Variants in KIAA0232 observed in about 807,000 individuals in gnomAD.
KIAA0232 encodes the protein uncharacterized protein KIAA0232.
A neutral mutation model predicts 122.0 loss-of-function variants in KIAA0232; 27 were observed. That is an observed-to-expected ratio of 0.22 (90% CI 0.16 to 0.31). The LOEUF (loss-of-function observed/expected upper bound fraction) is 0.31, where lower values mean the gene tolerates loss of function less well. KIAA0232 is among the 10% of genes least tolerant of loss of function. KIAA0232 has a pLI of 1.00. For synonymous variants in KIAA0232, 613 were observed against 587.6 expected, an observed-to-expected ratio of 1.04 and a Z score of -0.63; for missense variants, 1,551 against 1,634.2, an observed-to-expected ratio of 0.95 and a Z score of 0.88.
intron 2 of KIAA0232, among the ~76,000 whole-genome samples, chr4:6,822,878 C>CTAACTCGTCAT (rs1479255078): frequency 3.3e-5 from 5 of 149,538 alleles, no homozygotes; most frequent in Non-Finnish European, 5.9e-5. Flanking sequence ...GCTGCACCCA[C>CTAACTCGTCAT]TAACTCGTCA....
intron 1 of KIAA0232, among the ~76,000 whole-genome samples, chr4:6,785,486 A>C (rs543561999): frequency 6.6e-6 from 1 of 152,346 alleles, no homozygotes; most frequent in South Asian, 2.1e-4. Context: ...TGTTTCACAG[A>C]ATAGTTGGGA....
intron 1 of KIAA0232, among the ~76,000 whole-genome samples, chr4:6,803,010 C>T (rs1372948604): frequency 3.5e-5 from 4 of 115,788 alleles, no homozygotes; most frequent in Non-Finnish European, 6.9e-5. Context: ...TCTGTCTTGA[C>T]CAAAAAAAAA....
intron 2 of KIAA0232, among the ~76,000 whole-genome samples, chr4:6,822,418 C>T (rs911600518): frequency 2.6e-5 from 4 of 152,118 alleles, no homozygotes; most frequent in African/African-American, 9.7e-5. Flanking sequence ...GAAACTCAGT[C>T]TTAAATCTTT....
At chr4:6,804,213 T>G (rs1316375243) in intron 1 of KIAA0232, among the ~76,000 whole-genome samples, 2 of 152,180 alleles carry the variant, frequency 1.3e-5, no homozygotes, top group African/African-American at 4.8e-5. Flanking sequence ...ACCTAATACT[T>G]AGCAAATGTT....
intron 2 of KIAA0232, among the ~76,000 whole-genome samples, chr4:6,805,823 G>A (rs2108946598): frequency 6.6e-6 from 1 of 152,044 alleles, no homozygotes; most frequent in South Asian, 2.1e-4. Context: ...TAAGCTTAGG[G>A]TTTTTGAAAT....
intron 1 of KIAA0232, among the ~76,000 whole-genome samples, chr4:6,789,031 C>T (rs1339214760): frequency 4.0e-5 from 6 of 151,860 alleles, no homozygotes; most frequent in African/African-American, 7.3e-5. Flanking sequence ...AGTGCAGTGG[C>T]GCGATCTCGG....
In KIAA0232 at chr4:6,791,032, C is replaced by T. The variant is rs536164117; in HGVS notation, c.-354+8191C>T. Among the ~76,000 whole-genome samples the T allele has an allele frequency of 2.0e-5, 3 of 149,528 alleles. No homozygotes were observed. The South Asian group carries it at 6.3e-4, about 31-fold the overall frequency. On this transcript the variant is annotated intron_variant, in intron 1 of 9. Transcript: ENST00000307659. ...CTCCCGGGTTCAAGCGATTCTCCTG[C>T]CTTGGCCTCCTGAGTACCTGGGACT...
At chr4:6,859,257 G>A (rs529837653) in intron 6 of KIAA0232, among the ~76,000 whole-genome samples, 50 of 151,728 alleles carry the variant, frequency 3.3e-4, no homozygotes, top group Non-Finnish European at 5.9e-4. Flanking sequence ...TTTTTTGTTC[G>A]TAAATAGTCT....
intron 4 of KIAA0232, among the ~76,000 whole-genome samples, chr4:6,843,788 T>A (rs569022187): frequency 1.2e-4 from 18 of 151,828 alleles, no homozygotes; most frequent in Admixed American, 2.0e-4. Context: ...AAAAAAAGAA[T>A]TGTCTCTGAA....
At chr4:6,854,398 A>C (rs1199353207) in intron 4 of KIAA0232, among the ~76,000 whole-genome samples, 1 of 152,192 alleles carries the variant, frequency 6.6e-6, no homozygotes, top group African/African-American at 2.4e-5. Context: ...ACCCAAATAC[A>C]TTCCACTGAG....
At chr4:6,818,230 G>A (rs559987329) in intron 2 of KIAA0232, among the ~76,000 whole-genome samples, 190 of 151,780 alleles carry the variant, frequency 1.3e-3, no homozygotes, top group African/African-American at 2.8e-3. Flanking sequence ...GTGAAACCCC[G>A]TCTCTACTAA....
In KIAA0232 at chr4:6,859,845, C is replaced by T. The variant is rs530435140; in HGVS notation, c.519-1056C>T. Among the ~76,000 whole-genome samples, 23 of 152,278 alleles carry T rather than the reference C, an allele frequency of 1.5e-4. No individual in the cohort carries two copies. The South Asian group carries it at 4.6e-3, about 30-fold the overall frequency. On this transcript the variant is annotated intron_variant, in intron 6 of 9. Coordinates refer to ENST00000307659, the MANE Select transcript of KIAA0232 (RefSeq NM_014743.3). ...TTCTGCTCTGAAATCTTCAGTGGCC[C>T]CCAGTTTCCTAGCAAATCAAAAATA...
chr4:6,874,525 G>A (rs575095552), intron 8 of KIAA0232, among the ~76,000 whole-genome samples: 2 of 152,306 alleles, frequency 1.3e-5, no homozygotes, highest in South Asian at 4.1e-4. Context: ...CACAGCTCAC[G>A]CCCCTGGATT....
intron 3 of KIAA0232, among the ~76,000 whole-genome samples, chr4:6,827,179 A>C (rs1718734521): frequency 6.6e-6 from 1 of 152,230 alleles, no homozygotes; most frequent in Non-Finnish European, 1.5e-5. Flanking sequence ...AATTTTAAAT[A>C]CCTGTTTTAG....
chr4:6,868,305 C>T (rs947426051), intron 7 of KIAA0232, among the ~76,000 whole-genome samples: 1 of 152,188 alleles, frequency 6.6e-6, no homozygotes, highest in Non-Finnish European at 1.5e-5. Context: ...TGTACCTGCT[C>T]GGCCAGGTAC....
intron 7 of KIAA0232, among the ~76,000 whole-genome samples, chr4:6,871,010 G>A (rs1339374587): frequency 1.3e-5 from 2 of 152,102 alleles, no homozygotes; most frequent in Non-Finnish European, 2.9e-5. Flanking sequence ...TATATTTTGG[G>A]CTTGTAAGAG....
intron 2 of KIAA0232, among the ~76,000 whole-genome samples, chr4:6,816,950 A>T (rs1253278227): frequency 6.6e-6 from 1 of 152,098 alleles, no homozygotes. Flanking sequence ...CACCTCTCTC[A>T]TTCCTGATAC....
At chr4:6,842,379 T>C (rs1007855616) in intron 4 of KIAA0232, among the ~76,000 whole-genome samples, 175 bp downstream of exon 4, 1 of 152,126 alleles carries the variant, frequency 6.6e-6, no homozygotes, top group Non-Finnish European at 1.5e-5. Context: ...TTTTCTGAAG[T>C]TTTATATGCT....
rs2108865804 is a variant in KIAA0232 at position 6,881,143 on chromosome 4, T to G, written c.*177T>G. 2.2e-6 allele frequency: 1 copy of G among 463,164 alleles called. No homozygotes were observed. Among genetic ancestry groups the G allele is most frequent in the South Asian group, 7.4e-5 (1 of 13,548 alleles). The allele number at this position is 463,164 out of a possible 1,614,324, so 28.7% of individuals were successfully genotyped here. On this transcript the variant is annotated 3_prime_UTR_variant, in exon 10 of 10. Coordinates refer to ENST00000307659, the MANE Select transcript of KIAA0232 (RefSeq NM_014743.3). ...TTTAGAGTTGAGGACAGCTATCCTG[T>G]TAAAGATTTTTTTTCCCAGCTGTTA...
Sources: allele counts gnomAD v4.1 joint callset (sites outside exome capture counted in the v4.1 genomes callset), GRCh38; gene constraint gnomAD v4.1.1; transcripts MANE v1.5; gene names NCBI Gene and HGNC (gene_info 2026-07-23, HGNC 2026-07-21).